The following FBXL7 variants were observed in gnomAD, a reference collection of about 807,000 sequenced individuals.
The protein encoded by FBXL7 is F-box and leucine rich repeat protein 7, also known as F-box/LRR-repeat protein 7.
FBXL7 carries 12 observed loss-of-function variants against 38.3 expected under a neutral mutation model. The observed-to-expected ratio is 0.31, with a 90% CI of 0.20 to 0.51. The LOEUF (loss-of-function observed/expected upper bound fraction) is 0.51, where lower values mean the gene tolerates loss of function less well. Ranked by LOEUF, FBXL7 falls within the 20% of genes least tolerant of loss-of-function variation. The pLI is 0.98. For missense variants in FBXL7, 567 were observed against 676.4 expected (o/e 0.84, Z 1.79); for synonymous variants, 297 against 300.9 (o/e 0.99, Z 0.13).
At chr5:15,712,858 A>G (rs1022330386) in intron 2 of FBXL7, among the ~76,000 whole-genome samples, 1 of 152,136 alleles carries the variant, frequency 6.6e-6, no homozygotes, top group South Asian at 2.1e-4. Context: ...TGACCAGACT[A>G]ATAGCCCACC....
chr5:15,510,983 G>A (rs962887026), intron 1 of FBXL7, among the ~76,000 whole-genome samples: 16 of 152,244 alleles, frequency 1.1e-4, no homozygotes, highest in African/African-American at 3.4e-4. Context: ...GGATTTCCCC[G>A]TGTTTGCTCT....
At chr5:15,737,627 A>T (rs753983241) in intron 2 of FBXL7, among the ~76,000 whole-genome samples, 1 of 152,184 alleles carries the variant, frequency 6.6e-6, no homozygotes, top group African/African-American at 2.4e-5. Context: ...AGGTGGAAGG[A>T]AACCAGGATG....
chr5:15,653,698 A>G (rs140741475), intron 2 of FBXL7, among the ~76,000 whole-genome samples: 3,800 of 152,332 alleles, frequency 0.025, 65 homozygotes, highest in Non-Finnish European at 0.041. Context: ...ACCAGTTAAA[A>G]GAGAATGATA....
At chr5:15,525,932 G>C (rs1463795585) in intron 1 of FBXL7, among the ~76,000 whole-genome samples, 1 of 152,120 alleles carries the variant, frequency 6.6e-6, no homozygotes, top group Non-Finnish European at 1.5e-5. Flanking sequence ...AGAGCTCTTG[G>C]TTTTGCAGAG....
intron 1 of FBXL7, among the ~76,000 whole-genome samples, chr5:15,595,107 C>A (rs192533302): frequency 1.3e-4 from 20 of 152,220 alleles, no homozygotes; most frequent in Admixed American, 1.0e-3. Context: ...AGACTATGAT[C>A]CCAGGGCATG....
chr5:15,798,595 A>G (rs902849891), intron 2 of FBXL7, among the ~76,000 whole-genome samples: 5 of 152,252 alleles, frequency 3.3e-5, no homozygotes, highest in African/African-American at 1.2e-4. Flanking sequence ...GCGTTTGCTG[A>G]TCAGACAAGA....
chr5:15,896,995 G>A lies in FBXL7; in HGVS notation c.128-30895G>A, dbSNP rs375954883. 2.8e-4 allele frequency among the ~76,000 whole-genome samples: 43 copies of A among 152,076 alleles called. 1 individual carries two copies. The highest frequency in any genetic ancestry group is 2.5e-3 in the East Asian group (13 of 5,162). On this transcript the variant is annotated intron_variant, in intron 2 of 3. Transcript: ENST00000504595. ...CTAAAAATATAAAAATTAGCAAGGC[G>A]TGGTGGCATGTGCCTGTAATCCCAG...
chr5:15,711,478 C>G (rs997400653), intron 2 of FBXL7, among the ~76,000 whole-genome samples: 1 of 152,188 alleles, frequency 6.6e-6, no homozygotes, highest in African/African-American at 2.4e-5. Flanking sequence ...TGTTACAACC[C>G]TATTTCCAAA....
At chr5:15,591,569 C>G (rs1320383560) in intron 1 of FBXL7, among the ~76,000 whole-genome samples, 1 of 152,070 alleles carries the variant, frequency 6.6e-6, no homozygotes, top group Admixed American at 6.5e-5. Context: ...GGCCTAGGAC[C>G]AAAGCCCGAG....
chr5:15,589,837 G>A (rs1181445286), intron 1 of FBXL7, among the ~76,000 whole-genome samples: 1 of 152,178 alleles, frequency 6.6e-6, no homozygotes, highest in Non-Finnish European at 1.5e-5. Flanking sequence ...CAGAGGTGAT[G>A]ATGCACAAAT....
At chr5:15,917,644 GGGAAGGAAGGAAGGAAGGAAGGAAGGAA>G (rs57231456) in intron 2 of FBXL7, among the ~76,000 whole-genome samples, 8 of 90,948 alleles carry the variant, frequency 8.8e-5, no homozygotes, top group Non-Finnish European at 1.6e-4. Context: ...AAGGAAGGGA[GGGAAGGAAGGAAGGAAGGAAGGAAGGAA>G]GGAAGGAAGG....
intron 2 of FBXL7, among the ~76,000 whole-genome samples, chr5:15,818,416 G>A (rs1738077680): frequency 6.6e-6 from 1 of 152,084 alleles, no homozygotes; most frequent in Non-Finnish European, 1.5e-5. Context: ...TAGTGATTCA[G>A]ATTTGTTAGA....
At chr5:15,531,592 A>T (rs998753528) in intron 1 of FBXL7, among the ~76,000 whole-genome samples, 4 of 152,222 alleles carry the variant, frequency 2.6e-5, no homozygotes, top group African/African-American at 9.6e-5. Context: ...ATAAGAGGGC[A>T]TGTTGAAGAC....
Position 15,644,884 on chromosome 5 carries a change from G to C in FBXL7, c.127+28812G>C, listed in dbSNP as rs185178712. Among the ~76,000 whole-genome samples, 898 of 152,242 alleles carry C rather than the reference G, an allele frequency of 5.9e-3. 4 individuals are homozygous for C. The highest frequency in any genetic ancestry group is 0.01 in the Non-Finnish European group (694 of 68,016). ...GTGCCTTCCCCTTTAGATGGACTCA[G>C]GACAATGGCAGAGCAAAAGACAGTG... On this transcript the variant is annotated intron_variant, in intron 2 of 3. Transcript: ENST00000504595.
chr5:15,851,944 G>A (rs557797163), intron 2 of FBXL7, among the ~76,000 whole-genome samples: 1 of 151,926 alleles, frequency 6.6e-6, no homozygotes, highest in African/African-American at 2.4e-5. Flanking sequence ...CTTTTTAGTA[G>A]TGAAGAATGT....
At chr5:15,608,887 A>G (rs1740125050) in intron 1 of FBXL7, among the ~76,000 whole-genome samples, 2 of 152,196 alleles carry the variant, frequency 1.3e-5, no homozygotes, top group African/African-American at 2.4e-5. Flanking sequence ...ACCTTGACTG[A>G]TACAGACATC....
rs181533244 is a variant in FBXL7, at chr5:15,758,964, T to C, written c.127+142892T>C. Among the ~76,000 whole-genome samples, 391 of 152,326 alleles carry C rather than the reference T, an allele frequency of 2.6e-3. 2 individuals are homozygous for C. The highest frequency in any genetic ancestry group is 8.9e-3 in the African/African-American group (372 of 41,580). Reference sequence around the variant, plus strand: ...TTATTATTTTATTAAATCTTTAAAATACATGTCTTTAGAATAGCAACTACA... The same window carrying C: ...TTATTATTTTATTAAATCTTTAAAACACATGTCTTTAGAATAGCAACTACA... On this transcript the variant is annotated intron_variant, in intron 2 of 3. Coordinates refer to ENST00000504595, the MANE Select transcript of FBXL7 (RefSeq NM_012304.5).
intron 2 of FBXL7, among the ~76,000 whole-genome samples, chr5:15,807,016 A>G (rs1400289951): frequency 2.0e-5 from 3 of 152,010 alleles, no homozygotes; most frequent in Non-Finnish European, 4.4e-5. Context: ...AAATGGCACA[A>G]TCTCAGCTTA....
intron 2 of FBXL7, among the ~76,000 whole-genome samples, chr5:15,889,973 C>T (rs1036635787): frequency 2.0e-5 from 3 of 152,128 alleles, no homozygotes; most frequent in African/African-American, 4.8e-5. Context: ...CATTCCTAAC[C>T]GGAGGGAGAT....
Sources: allele counts gnomAD v4.1 joint callset (sites outside exome capture counted in the v4.1 genomes callset), GRCh38; gene constraint gnomAD v4.1.1; transcripts MANE v1.5; gene names NCBI Gene and HGNC (gene_info 2026-07-23, HGNC 2026-07-21).